Variants in POU2F1 observed in about 807,000 individuals in gnomAD.
POU2F1 encodes the protein POU domain, class 2, transcription factor 1.
A neutral mutation model predicts 84.9 loss-of-function variants in POU2F1; 16 were observed. That is an observed-to-expected ratio of 0.19 (90% CI 0.13 to 0.29). POU2F1 has a LOEUF of 0.29. POU2F1 is among the 10% of genes least tolerant of loss of function. The pLI is 1.00. For missense variants in POU2F1, 738 were observed against 942.6 expected, an observed-to-expected ratio of 0.78 and a Z score of 2.84; for synonymous variants, 368 against 368.3, an observed-to-expected ratio of 1.00 and a Z score of 0.01.
intron 9 of POU2F1, among the ~76,000 whole-genome samples, chr1:167,392,308 C>T (rs545979148): frequency 1.3e-5 from 2 of 150,344 alleles, no homozygotes; most frequent in Non-Finnish European, 3.0e-5. Flanking sequence ...GCCAAGATCA[C>T]GCCACTGCAC....
intron 1 of POU2F1, among the ~76,000 whole-genome samples, chr1:167,319,492 T>C (rs1433479873): frequency 6.6e-6 from 1 of 152,044 alleles, no homozygotes; most frequent in Admixed American, 6.6e-5. Flanking sequence ...GCAACTGCTG[T>C]TTCAGTTAGA....
chr1:167,374,312 C>T lies in POU2F1; in HGVS notation c.591+16C>T, dbSNP rs768098078. On this transcript the variant is annotated intron_variant, in intron 6 of 15. Coordinates refer to ENST00000367866, the MANE Select transcript of POU2F1 (RefSeq NM_002697.4). The stretch of plus-strand genomic sequence containing the variant: ...GATCGCACAGGTGAGTGAGGAACTC[C>T]AATAGCTGGGGCAGCAAGTGAGGAA... 1 of 1,548,230 alleles carries T rather than the reference C, an allele frequency of 6.5e-7. No individual in the cohort carries two copies. Among genetic ancestry groups the T allele is most frequent in the Non-Finnish European group, 8.7e-7 (1 of 1,148,218 alleles).
At chr1:167,342,081 C>T (rs919903392) in intron 2 of POU2F1, among the ~76,000 whole-genome samples, 2 of 152,040 alleles carry the variant, frequency 1.3e-5, no homozygotes, top group Admixed American at 6.6e-5. Context: ...TATGGAGCCA[C>T]GATAGTGGGG....
At chr1:167,399,819 G>A (rs1357792791) in intron 12 of POU2F1, among the ~76,000 whole-genome samples, 1 of 149,552 alleles carries the variant, frequency 6.7e-6, no homozygotes, top group Non-Finnish European at 1.5e-5. Flanking sequence ...GATTATAGAC[G>A]TGTACCACCA....
intron 1 of POU2F1, among the ~76,000 whole-genome samples, chr1:167,302,517 A>G (rs980585342): frequency 2.0e-5 from 3 of 152,178 alleles, no homozygotes; most frequent in Non-Finnish European, 2.9e-5. Context: ...TTGGCCTCCC[A>G]AGGTACTAGG....
intron 13 of POU2F1, among the ~76,000 whole-genome samples, chr1:167,404,707 T>C (rs1649447622): frequency 6.6e-6 from 1 of 152,178 alleles, no homozygotes; most frequent in Non-Finnish European, 1.5e-5. Context: ...TACCTCAGTA[T>C]CTGACAAATA....
At chr1:167,268,767 G>A (rs937701157) in intron 1 of POU2F1, among the ~76,000 whole-genome samples, 2 of 152,090 alleles carry the variant, frequency 1.3e-5, no homozygotes, top group African/African-American at 2.4e-5. Flanking sequence ...AATGCACACC[G>A]AGTAGTAAAA....
intron 1 of POU2F1, among the ~76,000 whole-genome samples, chr1:167,282,761 G>C (rs1446004281): frequency 1.3e-5 from 2 of 152,058 alleles, no homozygotes; most frequent in African/African-American, 2.4e-5. Flanking sequence ...CTTTCCTATA[G>C]GGTTTAGATA....
intron 1 of POU2F1, among the ~76,000 whole-genome samples, chr1:167,331,289 T>C (rs1657066657): frequency 6.6e-6 from 1 of 152,082 alleles, no homozygotes; most frequent in South Asian, 2.1e-4. Context: ...GAAAGACTCC[T>C]GATTTTTTTT....
At chr1:167,271,927 A>G (rs1249197578) in intron 1 of POU2F1, among the ~76,000 whole-genome samples, 1 of 152,244 alleles carries the variant, frequency 6.6e-6, no homozygotes, top group Non-Finnish European at 1.5e-5. Context: ...TAATTATATG[A>G]AATTGAAACA....
intron 1 of POU2F1, among the ~76,000 whole-genome samples, chr1:167,248,767 T>C (rs1016140783): frequency 1.3e-5 from 2 of 152,220 alleles, no homozygotes; most frequent in South Asian, 2.1e-4. Context: ...ATAGGTAACA[T>C]TTAATATACA....
At chr1:167,333,555 G>T (rs1033822638) in intron 2 of POU2F1, among the ~76,000 whole-genome samples, 12 of 152,142 alleles carry the variant, frequency 7.9e-5, no homozygotes, top group South Asian at 4.1e-4. Context: ...CAGTTTTCCT[G>T]CCTGTATGTC....
At chr1:167,353,651 AC>A (rs1658738273) in intron 2 of POU2F1, among the ~76,000 whole-genome samples, 1 of 152,070 alleles carries the variant, frequency 6.6e-6, no homozygotes, top group Non-Finnish European at 1.5e-5. Context: ...CTTCATTATT[AC>A]CTGCTTTTGC....
chr1:167,247,502 GT>G (rs1436142104), intron 1 of POU2F1, among the ~76,000 whole-genome samples: 2 of 151,996 alleles, frequency 1.3e-5, no homozygotes, highest in Admixed American at 1.3e-4. Context: ...GCTTCTTTTT[GT>G]TGTTGTTTCA....
intron 1 of POU2F1, among the ~76,000 whole-genome samples, chr1:167,232,001 C>T (rs928022741): frequency 1.3e-5 from 2 of 152,160 alleles, no homozygotes; most frequent in Non-Finnish European, 2.9e-5. Context: ...TGCCCTCCTC[C>T]CCCAACACAC....
intron 1 of POU2F1, among the ~76,000 whole-genome samples, chr1:167,267,734 C>G (rs1210600206): frequency 6.7e-6 from 1 of 149,738 alleles, no homozygotes; most frequent in African/African-American, 2.5e-5. Context: ...CTCCGCCTCC[C>G]AGGTTCATGC....
At position 167,367,794 on chromosome 1, in the gene POU2F1, A is replaced by T. The variant is rs533081507; in HGVS notation, c.228+2227A>T. Among the ~76,000 whole-genome samples, 589 of 147,588 alleles carry T rather than the reference A, an allele frequency of 4.0e-3. 10 individuals carry two copies. The highest frequency in any genetic ancestry group is 0.014 in the African/African-American group (570 of 40,512). ...TATATGTATGTATGTACACGTACAA[A>T]TTTTTTTTTTTTGAAATGAGGTCTT... is the stretch of plus-strand genomic sequence containing the variant. On this transcript the variant is annotated intron_variant, in intron 3 of 15. Coordinates refer to ENST00000367866, the MANE Select transcript of POU2F1 (RefSeq NM_002697.4).
intron 2 of POU2F1, among the ~76,000 whole-genome samples, chr1:167,353,644 C>A (rs2101795344): frequency 6.6e-6 from 1 of 152,320 alleles, no homozygotes. Flanking sequence ...ACCTTGGCTT[C>A]ATTATTACCT....
chr1:167,415,569 C>T lies in POU2F1; in HGVS notation c.2060C>T (p.Ala687Val), dbSNP rs545723804. The change falls in exon 16 of 16, where the codon GCG (alanine) becomes GTG (valine). Residue 687 changes from alanine to valine, a missense_variant. Ala to Val is a moderately conservative substitution (Grantham distance 64). Coordinates refer to ENST00000367866, the MANE Select transcript of POU2F1 (RefSeq NM_002697.4). ...DATGNLVFANAGGAPNIVTAP... is the reference protein window; with the variant it reads ...DATGNLVFANVGGAPNIVTAP... The stretch of plus-strand genomic sequence containing the variant: ...ACTGGGAACCTGGTATTTGCCAATG[C>T]GGGAGGAGCCCCCAACATCGTGACT... The T allele has an allele frequency of 9.0e-5, 145 of 1,614,108 alleles. No homozygotes were observed. The Admixed American group carries it at 9.5e-4, about 11-fold the overall frequency.
Sources: gnomAD v4.1 joint callset for allele counts (sites outside exome capture counted in the v4.1 genomes callset) on GRCh38, gnomAD v4.1.1 for gene constraint, MANE v1.5 for transcripts, NCBI Gene and HGNC (gene_info 2026-07-23, HGNC 2026-07-21) for gene names.